RHPN2: variants seen among roughly 807,000 people sequenced by gnomAD.
RHPN2 encodes rhophilin Rho GTPase binding protein 2, also known as rhophilin-2.
In RHPN2, 40 loss-of-function variants were observed where a neutral mutation model predicts 79.0. That is an observed-to-expected ratio of 0.51 (90% CI 0.39 to 0.66). The LOEUF (loss-of-function observed/expected upper bound fraction) is 0.66, where lower values mean the gene tolerates loss of function less well. RHPN2 is among the 30% of genes least tolerant of loss of function. RHPN2 has a pLI of 0.00. For synonymous variants in RHPN2, 285 were observed against 363.5 expected (o/e 0.78, Z 2.46); for missense variants, 686 against 883.5 (o/e 0.78, Z 2.83).
chr19:32,979,937 G>GT lies in RHPN2; in HGVS notation c.*58dup, dbSNP rs1971559688. On this transcript the variant is annotated 3_prime_UTR_variant, in exon 15 of 15. Transcript: ENST00000254260. The stretch of plus-strand genomic sequence containing the variant: ...AGATATTTTCCATTATGGCACAAAC[G>GT]TTTAAGGCCGAGTCAGCACCGGAAA... The GT allele has an allele frequency of 6.3e-7, 1 of 1,593,722 alleles. No individual in the cohort carries two copies. The highest frequency in any genetic ancestry group is 8.6e-7 in the Non-Finnish European group (1 of 1,161,862).
At chr19:32,993,788 T>C (rs1971679074) in intron 12 of RHPN2, among the ~76,000 whole-genome samples, 189 bp downstream of exon 12, 2 of 152,160 alleles carry the variant, frequency 1.3e-5, no homozygotes, top group Admixed American at 6.6e-5. Flanking sequence ...CTTCAGCAGA[T>C]ACCGAATCTG....
chr19:32,998,601 TG>T (rs1340130823), intron 10 of RHPN2, among the ~76,000 whole-genome samples: 1 of 151,860 alleles, frequency 6.6e-6, no homozygotes, highest in African/African-American at 2.4e-5. Flanking sequence ...GAGCTGTGAT[TG>T]CACTACTGCA....
intron 10 of RHPN2, among the ~76,000 whole-genome samples, chr19:32,997,895 G>A (rs1359050017): frequency 6.6e-6 from 1 of 152,220 alleles, no homozygotes; most frequent in African/African-American, 2.4e-5. Context: ...GGTTTTCAAG[G>A]GCAAGGAGGA....
At position 32,978,876 on chromosome 19, in the gene RHPN2, G is replaced by A. The variant is rs1472031639; in HGVS notation, c.*1120C>T. 1.3e-5 allele frequency: 2 copies of A among 152,200 alleles called. No homozygotes were observed. The highest frequency in any genetic ancestry group is 2.9e-5 in the Non-Finnish European group (2 of 68,018). 9.4% of individuals were successfully genotyped at this position (152,200 alleles called of 1,614,324 possible). On this transcript the variant is annotated 3_prime_UTR_variant, in exon 15 of 15. Coordinates refer to ENST00000254260, the MANE Select transcript of RHPN2 (RefSeq NM_033103.5). ...AAAAGTAAAATAGTGGGACGGTTGT[G>A]GTGGCTCATGCCTGTAATCCCAGCA...
At chr19:33,035,142 T>C (rs1670190263) in intron 2 of RHPN2, among the ~76,000 whole-genome samples, 3 of 152,044 alleles carry the variant, frequency 2.0e-5, no homozygotes, top group Admixed American at 1.3e-4. Flanking sequence ...ATTTTTTGTA[T>C]TTTTACTAGA....
intron 2 of RHPN2, among the ~76,000 whole-genome samples, chr19:33,029,391 T>C (rs528177270): frequency 6.6e-6 from 1 of 151,784 alleles, no homozygotes; most frequent in East Asian, 1.9e-4. Flanking sequence ...CTGGGCATGG[T>C]GGTGGGCACC....
chr19:32,996,453 A>G (rs1449719112), intron 10 of RHPN2: 3 of 572,960 alleles, frequency 5.2e-6, no homozygotes, highest in African/African-American at 3.7e-5. Context: ...CCCCCTTAAG[A>G]GAATAACTAG....
chr19:33,010,122 A>G (rs1333437001), intron 6 of RHPN2, among the ~76,000 whole-genome samples: 1 of 152,160 alleles, frequency 6.6e-6, no homozygotes, highest in Non-Finnish European at 1.5e-5. Flanking sequence ...GGGGGTGTGC[A>G]GACAGCTTCT....
chr19:33,029,029 A>C (rs926507613), intron 2 of RHPN2, among the ~76,000 whole-genome samples: 1 of 152,026 alleles, frequency 6.6e-6, no homozygotes, highest in Non-Finnish European at 1.5e-5. Flanking sequence ...AATCCCAGCT[A>C]CTCGGGAGCC....
rs926832944 is a variant in RHPN2 at position 33,064,798 on chromosome 19, C to G, written c.55G>C (p.Gly19Arg). The G allele has an allele frequency of 2.1e-6, 3 of 1,434,694 alleles. No individual in the cohort carries two copies. Among genetic ancestry groups the G allele is most frequent in the South Asian group, 1.2e-5 (1 of 81,126 alleles). The allele number at this position is 1,434,694 out of a possible 1,614,324, so 88.9% of individuals were successfully genotyped here. Residue 19 changes from glycine to arginine, a missense_variant, in exon 1 of 15, where the codon GGC becomes CGC. Transcript: ENST00000254260. ...APQPLEKENDGYFRKGCNPLA... is the reference protein window; with the variant it reads ...APQPLEKENDRYFRKGCNPLA... ...AAGCCGCCCACCTTCCGAAAGTAGC[C>G]GTCGTTCTCCTTCTCCAGCGGCTGG... is the stretch of plus-strand genomic sequence containing the variant.
At chr19:33,025,311 TAAAAAA>T (rs201499801) in intron 3 of RHPN2, among the ~76,000 whole-genome samples, 2 of 130,860 alleles carry the variant, frequency 1.5e-5, no homozygotes, top group Non-Finnish European at 3.2e-5. Context: ...TGTCTCTACT[TAAAAAA>T]AAAAAAAAAA....
chr19:33,016,254 C>T (rs1357927910), intron 4 of RHPN2, among the ~76,000 whole-genome samples: 1 of 150,994 alleles, frequency 6.6e-6, no homozygotes, highest in Non-Finnish European at 1.5e-5. Context: ...TTCTGTTTTC[C>T]AGGATGGAGT....
intron 2 of RHPN2, among the ~76,000 whole-genome samples, chr19:33,040,630 G>A (rs556765329): frequency 2.0e-5 from 3 of 152,242 alleles, no homozygotes; most frequent in African/African-American, 7.2e-5. Context: ...GAAGCTGGGA[G>A]AAGACAGAAT....
At chr19:33,034,124 CT>C (rs1972035211) in intron 2 of RHPN2, among the ~76,000 whole-genome samples, 1 of 150,546 alleles carries the variant, frequency 6.6e-6, no homozygotes, top group Non-Finnish European at 1.5e-5. Context: ...TCCCAAAGTG[CT>C]AGGATTATAG....
At chr19:32,993,700 C>G (rs2146003785) in intron 12 of RHPN2, among the ~76,000 whole-genome samples, 1 of 152,208 alleles carries the variant, frequency 6.6e-6, no homozygotes, top group Middle Eastern at 3.4e-3. Flanking sequence ...GCTTTTAAAA[C>G]AGGCCCAAGG....
chr19:32,986,860 C>T, intron 14 of RHPN2, among the ~76,000 whole-genome samples: 1 of 151,140 alleles, frequency 6.6e-6, no homozygotes, highest in East Asian at 1.9e-4. Flanking sequence ...ATTTTAATAC[C>T]CTTCTGTGGC....
At position 32,990,391 on chromosome 19, in the gene RHPN2, C is replaced by T. The variant is rs1971648194; in HGVS notation, c.1800+123G>A. ...TACAGTGATTACAAGCCTGGGAGTC[C>T]AGTCATTTGTACCATGTTACACAGG... On this transcript the variant is annotated intron_variant, in intron 14 of 14. Coordinates refer to ENST00000254260, the MANE Select transcript of RHPN2 (RefSeq NM_033103.5). 3.9e-6 allele frequency: 4 copies of T among 1,018,246 alleles called. No individual in the cohort carries two copies. The African/African-American group carries it at 4.8e-5, about 12-fold the overall frequency. 63.1% of individuals were successfully genotyped at this position (1,018,246 alleles called of 1,614,324 possible).
intron 1 of RHPN2, among the ~76,000 whole-genome samples, chr19:33,062,895 G>T (rs919014709): frequency 1.3e-5 from 2 of 152,066 alleles, no homozygotes; most frequent in African/African-American, 4.8e-5. Context: ...CCTCCCCTGG[G>T]CTCACAGACA....
Position 33,021,778 on chromosome 19 carries a change from C to T in RHPN2, c.315-132G>A, listed in dbSNP as rs913508070. 13 of 706,634 alleles carry T rather than the reference C, an allele frequency of 1.8e-5. No homozygotes were observed. In the African/African-American group the frequency reaches 2.3e-4, roughly 12 times the overall value. 43.8% of individuals were successfully genotyped at this position (706,634 alleles called of 1,614,324 possible). The stretch of plus-strand genomic sequence containing the variant: ...CCCCATCCTGTACTCACCTGGCTGA[C>T]AGGCTCATTTTCCATAAGGATGACT... On this transcript the variant is annotated intron_variant, in intron 3 of 14. Coordinates refer to ENST00000254260, the MANE Select transcript of RHPN2 (RefSeq NM_033103.5).
Sources: allele counts gnomAD v4.1 joint callset (sites outside exome capture counted in the v4.1 genomes callset), GRCh38; gene constraint gnomAD v4.1.1; transcripts MANE v1.5; gene names NCBI Gene and HGNC (gene_info 2026-07-23, HGNC 2026-07-21).